REDIC1: variants seen among roughly 807,000 people sequenced by gnomAD.
REDIC1 encodes HEI10 Interacting Protein 1.
At chr12:39,798,015 G>C in the REDIC1 span, among the ~76,000 whole-genome samples, 1 of 152,174 alleles carries the variant, frequency 6.6e-6, no homozygotes, top group Non-Finnish European at 1.5e-5. Flanking sequence ...ATGATGAAGT[G>C]TGACTTCAGA....
chr12:39,738,536 T>G, the REDIC1 span, among the ~76,000 whole-genome samples: 1 of 152,190 alleles, frequency 6.6e-6, no homozygotes, highest in African/African-American at 2.4e-5. Context: ...GATCAAAAGT[T>G]ATGTTTGCAA....
At chr12:39,686,127 A>G in the REDIC1 span, among the ~76,000 whole-genome samples, 1 of 152,146 alleles carries the variant, frequency 6.6e-6, no homozygotes, top group African/African-American at 2.4e-5. Context: ...CTGTTGGTGT[A>G]TCTACCATTC....
the REDIC1 span, among the ~76,000 whole-genome samples, chr12:39,828,805 A>T: frequency 6.6e-6 from 1 of 152,166 alleles, no homozygotes; most frequent in African/African-American, 2.4e-5. Flanking sequence ...TAACTCACTA[A>T]CAAAATTTGG....
the REDIC1 span, among the ~76,000 whole-genome samples, chr12:39,795,810 G>T: frequency 1.3e-5 from 2 of 152,124 alleles, no homozygotes; most frequent in Non-Finnish European, 1.5e-5. Flanking sequence ...TCCAAGCCAT[G>T]GCTGAGGGAG....
At chr12:39,796,578 A>G in the REDIC1 span, among the ~76,000 whole-genome samples, 1 of 151,980 alleles carries the variant, frequency 6.6e-6, no homozygotes, top group Non-Finnish European at 1.5e-5. Context: ...GGTCCTAGTG[A>G]TAGTGAGCTG....
the REDIC1 span, chr12:39,692,274 A>G: frequency 1.6e-6 from 1 of 619,298 alleles, no homozygotes; most frequent in Non-Finnish European, 2.5e-6. Flanking sequence ...TTACTTTTAT[A>G]TTTTATTAAA....
chr12:39,840,640 C>T, the REDIC1 span, among the ~76,000 whole-genome samples: 1 of 151,994 alleles, frequency 6.6e-6, no homozygotes, highest in Non-Finnish European at 1.5e-5. Context: ...CTTCAAGACT[C>T]ATGTTCCTCT....
At chr12:39,643,890 C>G in the REDIC1 span, 5 of 1,559,724 alleles carry the variant, frequency 3.2e-6, no homozygotes, top group South Asian at 4.8e-5. Flanking sequence ...TATGGTAAAT[C>G]AGATATCTTG....
At chr12:39,764,721 C>T in the REDIC1 span, 1 of 1,610,598 alleles carries the variant, frequency 6.2e-7, no homozygotes, top group Admixed American at 1.7e-5. Flanking sequence ...AACAGTATAA[C>T]AAAGTCTTTG....
chr12:39,734,865 T>A, the REDIC1 span, among the ~76,000 whole-genome samples: 1 of 152,236 alleles, frequency 6.6e-6, no homozygotes, highest in Non-Finnish European at 1.5e-5. Flanking sequence ...CAATTTCTAC[T>A]AAAAAATTCC....
chr12:39,846,394 T>G, the REDIC1 span, among the ~76,000 whole-genome samples: 1 of 152,180 alleles, frequency 6.6e-6, no homozygotes, highest in Non-Finnish European at 1.5e-5. Flanking sequence ...AAGATCTTTC[T>G]CAGTTAAAGC....
the REDIC1 span, among the ~76,000 whole-genome samples, chr12:39,815,077 G>C: frequency 1.3e-5 from 2 of 151,888 alleles, no homozygotes. Context: ...CTAAGGATTA[G>C]AGAAGTAAAA....
chr12:39,895,823 TATATGCGTGTATATGC>T, the REDIC1 span, among the ~76,000 whole-genome samples: 184 of 103,150 alleles, frequency 1.8e-3, 7 homozygotes, highest in East Asian at 0.01. Flanking sequence ...TACACACATG[TATATGCGTGTATATGC>T]ACACACATAT....
the REDIC1 span, among the ~76,000 whole-genome samples, chr12:39,830,643 A>G: frequency 6.6e-6 from 1 of 152,138 alleles, no homozygotes; most frequent in Non-Finnish European, 1.5e-5. Flanking sequence ...TACCTCATAC[A>G]CCATCTATTT....
At chr12:39,726,055 A>G in the REDIC1 span, among the ~76,000 whole-genome samples, 1 of 152,032 alleles carries the variant, frequency 6.6e-6, no homozygotes, top group African/African-American at 2.4e-5. Context: ...TTTTCAAAAC[A>G]ACTTGTACCA....
At chr12:39,815,611 C>T in the REDIC1 span, among the ~76,000 whole-genome samples, 18 of 152,156 alleles carry the variant, frequency 1.2e-4, no homozygotes, top group African/African-American at 3.6e-4. Flanking sequence ...CGGTAAGAGG[C>T]GAACGGGGAT....
At chr12:39,777,112 CAAG>C in the REDIC1 span, among the ~76,000 whole-genome samples, 3 of 152,126 alleles carry the variant, frequency 2.0e-5, no homozygotes, top group South Asian at 6.2e-4. Flanking sequence ...CCTTGTCACT[CAAG>C]AAAAAACAAA....
At chr12:39,759,927 G>A in the REDIC1 span, 1 of 840,414 alleles carries the variant, frequency 1.2e-6, no homozygotes, top group Non-Finnish European at 1.9e-6. Context: ...AAACTAGGCT[G>A]TGGAAAGAAC....
the REDIC1 span, among the ~76,000 whole-genome samples, chr12:39,860,633 A>G: frequency 6.6e-6 from 1 of 152,190 alleles, no homozygotes; most frequent in African/African-American, 2.4e-5. Context: ...TCTTATTTTT[A>G]TGATTTAGTC....
Sources: gnomAD v4.1 joint callset for allele counts (sites outside exome capture counted in the v4.1 genomes callset) on GRCh38, gnomAD v4.1.1 for gene constraint, MANE v1.5 for transcripts, NCBI Gene and HGNC (gene_info 2026-07-23, HGNC 2026-07-21) for gene names.